The following ST6GALNAC5 variants were observed in gnomAD, a reference collection of about 807,000 sequenced individuals.
ST6GALNAC5 encodes the protein alpha-N-acetylgalactosaminide alpha-2,6-sialyltransferase 5.
A neutral mutation model predicts 33.6 loss-of-function variants in ST6GALNAC5; 27 were observed. The observed-to-expected ratio is 0.80, with a 90% confidence interval of 0.59 to 1.11. ST6GALNAC5 has a LOEUF of 1.11. Among genes scored for constraint, ST6GALNAC5 ranks in the 50% least tolerant of loss-of-function variants. The pLI is 0.00. For synonymous variants in ST6GALNAC5, 194 were observed against 171.2 expected, an observed-to-expected ratio of 1.13 and a Z score of -1.04; for missense variants, 428 against 454.0, an observed-to-expected ratio of 0.94 and a Z score of 0.52.
chr1:77,008,599 G>A (rs757480374), intron 2 of ST6GALNAC5, among the ~76,000 whole-genome samples: 3 of 151,906 alleles, frequency 2.0e-5, no homozygotes, highest in Non-Finnish European at 4.4e-5. Flanking sequence ...GCTCAATCTC[G>A]GCTCACTGCA....
chr1:76,935,478 G>T (rs951778474), intron 2 of ST6GALNAC5, among the ~76,000 whole-genome samples: 3 of 152,014 alleles, frequency 2.0e-5, no homozygotes, highest in Non-Finnish European at 2.9e-5. Flanking sequence ...GCATACTCTT[G>T]TTGAATCAAA....
At chr1:77,013,189 C>T (rs769897107) in intron 2 of ST6GALNAC5, among the ~76,000 whole-genome samples, 8 of 152,140 alleles carry the variant, frequency 5.3e-5, no homozygotes, top group Admixed American at 1.3e-4. Context: ...GGTGGAATCT[C>T]CACACCCAGC....
chr1:77,050,162 G>A, intron 3 of ST6GALNAC5, 96 bp from the exon 4 acceptor site: 1 of 989,940 alleles, frequency 1.0e-6, no homozygotes, highest in East Asian at 2.4e-5. Context: ...AGAGACTCTT[G>A]TTTATAGTTA....
chr1:76,919,021 C>T (rs191796241), intron 2 of ST6GALNAC5, among the ~76,000 whole-genome samples: 4 of 152,228 alleles, frequency 2.6e-5, no homozygotes, highest in East Asian at 1.9e-4. Flanking sequence ...AGCAATGCCT[C>T]GGTTCTCAGG....
chr1:76,929,501 T>C (rs1647117022), intron 2 of ST6GALNAC5, among the ~76,000 whole-genome samples: 1 of 152,148 alleles, frequency 6.6e-6, no homozygotes, highest in African/African-American at 2.4e-5. Flanking sequence ...ATCATGCCTC[T>C]GCACTGCAGC....
intron 2 of ST6GALNAC5, among the ~76,000 whole-genome samples, chr1:76,937,030 A>T (rs1287551785): frequency 6.6e-6 from 1 of 150,500 alleles, no homozygotes; most frequent in Non-Finnish European, 1.5e-5. Context: ...TATTTTGGAT[A>T]CATTCCTCAG....
At chr1:76,979,538 T>A (rs1649164111) in intron 2 of ST6GALNAC5, among the ~76,000 whole-genome samples, 1 of 152,184 alleles carries the variant, frequency 6.6e-6, no homozygotes, top group Non-Finnish European at 1.5e-5. Flanking sequence ...AAGAGCAGCC[T>A]CTTCAATAAA....
intron 2 of ST6GALNAC5, among the ~76,000 whole-genome samples, chr1:76,922,048 G>A (rs1271962414): frequency 6.6e-6 from 1 of 152,138 alleles, no homozygotes; most frequent in African/African-American, 2.4e-5. Context: ...CATATGTATT[G>A]TAAAGGAAGA....
At chr1:77,033,381 A>T (rs984543503) in intron 2 of ST6GALNAC5, among the ~76,000 whole-genome samples, 14 of 152,350 alleles carry the variant, frequency 9.2e-5, no homozygotes, top group Non-Finnish European at 1.8e-4. Flanking sequence ...AGAAATTTTT[A>T]AAAAGTTTAA....
At chr1:77,059,205 C>A (rs934181079) in intron 4 of ST6GALNAC5, among the ~76,000 whole-genome samples, 6 of 152,196 alleles carry the variant, frequency 3.9e-5, no homozygotes, top group African/African-American at 1.4e-4. Flanking sequence ...AAGAAATTAA[C>A]ATGAGTATAA....
chr1:76,946,914 G>T (rs1186842536), intron 2 of ST6GALNAC5, among the ~76,000 whole-genome samples: 1 of 152,038 alleles, frequency 6.6e-6, no homozygotes, highest in African/African-American at 2.4e-5. Flanking sequence ...TATGGTTTTA[G>T]TATGTGAAAG....
intron 2 of ST6GALNAC5, among the ~76,000 whole-genome samples, chr1:76,885,182 T>C (rs1653865525): frequency 6.6e-6 from 1 of 152,176 alleles, no homozygotes; most frequent in Non-Finnish European, 1.5e-5. Flanking sequence ...TTTAAGAGTA[T>C]GGAATGACTT....
At chr1:76,993,832 T>C (rs1367045402) in intron 2 of ST6GALNAC5, among the ~76,000 whole-genome samples, 1 of 152,212 alleles carries the variant, frequency 6.6e-6, no homozygotes, top group Non-Finnish European at 1.5e-5. Flanking sequence ...ATATTCCTTC[T>C]GTTTTCAATT....
At position 76,934,496 on chromosome 1, in the gene ST6GALNAC5, C is replaced by T. The variant is rs1005090694; in HGVS notation, c.261+65754C>T. The stretch of plus-strand genomic sequence containing the variant: ...GGTAATTACTATAATAATATTATCA[C>T]CCGGGTTCTGCAGTGGCTTTGTCAG... On this transcript the variant is annotated intron_variant, in intron 2 of 4. Transcript: ENST00000477717. Among the ~76,000 whole-genome samples the T allele has an allele frequency of 1.6e-4, 24 of 151,956 alleles. 1 individual carries two copies. The highest frequency in any genetic ancestry group is 7.4e-5 in the Non-Finnish European group (5 of 67,964).
chr1:76,946,741 C>T (rs534736929), intron 2 of ST6GALNAC5, among the ~76,000 whole-genome samples: 3 of 152,194 alleles, frequency 2.0e-5, no homozygotes, highest in South Asian at 2.1e-4. Context: ...TGATTTTGGG[C>T]TTCTGCTTTT....
chr1:76,868,691 C>T lies in ST6GALNAC5; in HGVS notation c.210C>T (p.Val70=). The T allele has an allele frequency of 1.9e-6, 3 of 1,543,172 alleles. No individual in the cohort carries two copies. The highest frequency in any genetic ancestry group is 2.6e-6 in the Non-Finnish European group (3 of 1,144,970). ...GCAGCACCCAGCAGCGCCCCGGGGTCCCCGCGGGACCGCGGCCACTGGACG... is the reference window on the plus strand; with the variant it reads ...GCAGCACCCAGCAGCGCCCCGGGGTTCCCGCGGGACCGCGGCCACTGGACG... ...AESSTQQRPG[V]PAGPRPLDGY... is the part of the protein sequence containing the mutation. The change falls in exon 2 of 5, where the codon GTC becomes GTT. Residue 70 remains valine (V), a synonymous_variant. Transcript: ENST00000477717. The surrounding 1 kb of genome is among the most constrained non-coding windows in gnomAD (Gnocchi z 4.3).
chr1:76,998,330 A>G (rs1650016370), intron 2 of ST6GALNAC5, among the ~76,000 whole-genome samples: 1 of 152,132 alleles, frequency 6.6e-6, no homozygotes, highest in Non-Finnish European at 1.5e-5. Flanking sequence ...CAGAAGTTTG[A>G]GGTTACAGTG....
At chr1:76,950,272 T>C (rs1057461898) in intron 2 of ST6GALNAC5, among the ~76,000 whole-genome samples, 1 of 152,154 alleles carries the variant, frequency 6.6e-6, no homozygotes, top group Non-Finnish European at 1.5e-5. Context: ...ATGAATCTGG[T>C]ATCAAGAACA....
intron 2 of ST6GALNAC5, among the ~76,000 whole-genome samples, chr1:76,883,802 C>A (rs1479074132): frequency 6.6e-6 from 1 of 152,128 alleles, no homozygotes; most frequent in African/African-American, 2.4e-5. Context: ...CTACCATATG[C>A]CTAGCATTGT....
Sources: gnomAD v4.1 joint callset for allele counts (sites outside exome capture counted in the v4.1 genomes callset) on GRCh38, gnomAD v4.1.1 for gene constraint, Gnocchi (gnomAD v3.1) non-coding constraint, MANE v1.5 for transcripts, NCBI Gene and HGNC (gene_info 2026-07-23, HGNC 2026-07-21) for gene names.